The following LEKR1 variants were observed in gnomAD, a reference collection of about 807,000 sequenced individuals.
LEKR1 encodes leucine, glutamate and lysine rich 1.
LEKR1 carries 59 observed loss-of-function variants against 72.4 expected under a neutral mutation model. The observed-to-expected ratio is 0.82, with a 90% CI of 0.66 to 1.01. The LOEUF (loss-of-function observed/expected upper bound fraction) is 1.01, where lower values mean the gene tolerates loss of function less well. Ranked by LOEUF, LEKR1 falls within the 50% of genes least tolerant of loss-of-function variation. The pLI, the probability that LEKR1 is intolerant of heterozygous loss-of-function variation, is 0.00. For missense variants in LEKR1, 728 were observed against 759.2 expected (o/e 0.96, Z 0.48); for synonymous variants, 257 against 263.2 (o/e 0.98, Z 0.23).
chr3:156,940,172 A>G (rs948313671), intron 5 of LEKR1, among the ~76,000 whole-genome samples: 4 of 152,146 alleles, frequency 2.6e-5, no homozygotes, highest in Admixed American at 2.6e-4. Context: ...TGTTAATCCT[A>G]AGACATCATG....
At chr3:156,846,138 A>C (rs1008681830) in intron 2 of LEKR1, among the ~76,000 whole-genome samples, 1 of 152,140 alleles carries the variant, frequency 6.6e-6, no homozygotes, top group Non-Finnish European at 1.5e-5. Flanking sequence ...CACTGGGTAT[A>C]TATATAAATG....
chr3:157,034,714 G>A (rs765693273), intron 12 of LEKR1, among the ~76,000 whole-genome samples: 7 of 152,292 alleles, frequency 4.6e-5, no homozygotes, highest in South Asian at 4.1e-4. Context: ...GTTCTACTGC[G>A]GGTAAAATGC....
chr3:156,827,537 T>C (rs1711785575), intron 1 of LEKR1, among the ~76,000 whole-genome samples: 1 of 152,246 alleles, frequency 6.6e-6, no homozygotes, highest in South Asian at 2.1e-4. Context: ...GAATGTGTAA[T>C]GGATTGTGTC....
chr3:156,956,680 T>C (rs919967594), intron 6 of LEKR1, among the ~76,000 whole-genome samples: 1 of 152,016 alleles, frequency 6.6e-6, no homozygotes, highest in African/African-American at 2.4e-5. Context: ...AGAGTAACAC[T>C]GACAGAATTT....
chr3:156,976,452 T>C (rs1421125413), intron 6 of LEKR1, among the ~76,000 whole-genome samples: 1 of 152,132 alleles, frequency 6.6e-6, no homozygotes, highest in Non-Finnish European at 1.5e-5. Flanking sequence ...TTCTCTCTGA[T>C]GAAATCTTCT....
chr3:156,977,439 C>G (rs1051710328), intron 6 of LEKR1: 3 of 503,480 alleles, frequency 6.0e-6, no homozygotes, highest in Non-Finnish European at 1.2e-5. Context: ...ATGTCACCCC[C>G]CCTTAATGAA....
Position 156,927,448 on chromosome 3 carries a change from A to G in LEKR1, c.403A>G (p.Lys135Glu). 1 of 1,124,084 alleles carries G rather than the reference A, an allele frequency of 8.9e-7. No homozygotes were observed. The highest frequency in any genetic ancestry group is 1.1e-6 in the Non-Finnish European group (1 of 896,610). The allele number at this position is 1,124,084 out of a possible 1,614,324, so 69.6% of individuals were successfully genotyped here. The change falls in exon 5 of 13, where the codon AAA (lysine) becomes GAA (glutamate). Residue 135 changes from lysine to glutamate, a missense_variant. Transcript: ENST00000356539. ...YIFSQRLSEY[K>E]YFWNKTLSLL... ...TTGCAGTCAAAGATTGTCAGAGTACAAATATTTCTGGAATAAGACTCTTTC... is the reference window on the plus strand; with the variant it reads ...TTGCAGTCAAAGATTGTCAGAGTACGAATATTTCTGGAATAAGACTCTTTC...
At chr3:156,918,306 C>A (rs1723847667) in intron 3 of LEKR1, among the ~76,000 whole-genome samples, 1 of 152,086 alleles carries the variant, frequency 6.6e-6, no homozygotes, top group Admixed American at 6.6e-5. Context: ...TATCTGGGGG[C>A]TAATCTTTAA....
intron 9 of LEKR1, among the ~76,000 whole-genome samples, chr3:157,006,465 A>G (rs975351561): frequency 1.3e-5 from 2 of 152,244 alleles, no homozygotes; most frequent in African/African-American, 4.8e-5. Flanking sequence ...AAAGTTAAAT[A>G]TATACCTACC....
At chr3:156,984,069 A>C (rs1246428853) in intron 7 of LEKR1, among the ~76,000 whole-genome samples, 1 of 152,222 alleles carries the variant, frequency 6.6e-6, no homozygotes, top group African/African-American at 2.4e-5. Flanking sequence ...ATAAAAGAAC[A>C]GACGGTTATG....
intron 3 of LEKR1, among the ~76,000 whole-genome samples, chr3:156,884,807 A>G (rs1305742773): frequency 1.3e-5 from 2 of 152,204 alleles, no homozygotes; most frequent in East Asian, 1.9e-4. Flanking sequence ...TGTGCTTCTT[A>G]TATTTGGATG....
At chr3:156,910,203 C>T (rs1194329199) in intron 3 of LEKR1, among the ~76,000 whole-genome samples, 7 of 152,108 alleles carry the variant, frequency 4.6e-5, no homozygotes, top group African/African-American at 1.4e-4. Flanking sequence ...GTGTATTGCG[C>T]GATGCTAGGC....
At chr3:156,901,173 CA>C (rs2108563489) in intron 3 of LEKR1, among the ~76,000 whole-genome samples, 2 of 152,160 alleles carry the variant, frequency 1.3e-5, no homozygotes, top group East Asian at 1.9e-4. Context: ...GTCTTTCTAA[CA>C]AATTTTCTTT....
chr3:156,849,488 C>G (rs997894777), intron 2 of LEKR1, among the ~76,000 whole-genome samples: 18 of 151,810 alleles, frequency 1.2e-4, no homozygotes, highest in Admixed American at 8.5e-4. Flanking sequence ...GGAGGCATCA[C>G]GCTACCTGAC....
chr3:156,941,693 C>T (rs747749515), intron 5 of LEKR1, among the ~76,000 whole-genome samples: 12 of 152,056 alleles, frequency 7.9e-5, no homozygotes, highest in East Asian at 1.9e-4. Flanking sequence ...ATCACATGCT[C>T]ATCAATTCAA....
At chr3:157,028,536 C>A in intron 12 of LEKR1, 134 bp downstream of exon 12, 1 of 727,950 alleles carries the variant, frequency 1.4e-6, no homozygotes, top group Non-Finnish European at 2.2e-6. Flanking sequence ...AAATCACATC[C>A]TGGTGCTCTG....
At chr3:157,008,938 C>G (rs1732676071) in intron 9 of LEKR1, among the ~76,000 whole-genome samples, 1 of 152,096 alleles carries the variant, frequency 6.6e-6, no homozygotes, top group Non-Finnish European at 1.5e-5. Context: ...TTATTCCATT[C>G]ATTTTGATAG....
At chr3:156,847,579 A>G (rs919552782) in intron 2 of LEKR1, among the ~76,000 whole-genome samples, 1 of 152,220 alleles carries the variant, frequency 6.6e-6, no homozygotes, top group Non-Finnish European at 1.5e-5. Flanking sequence ...AGTTTCACAA[A>G]AATGCCCTAA....
intron 12 of LEKR1, among the ~76,000 whole-genome samples, chr3:157,040,259 T>TGAA (rs1735253664): frequency 1.3e-5 from 2 of 152,224 alleles, no homozygotes; most frequent in Admixed American, 1.3e-4. Flanking sequence ...AAGTAAATGT[T>TGAA]GAATACTTTG....
Sources: allele counts gnomAD v4.1 joint callset (sites outside exome capture counted in the v4.1 genomes callset), GRCh38; gene constraint gnomAD v4.1.1; transcripts MANE v1.5; gene names NCBI Gene and HGNC (gene_info 2026-07-23, HGNC 2026-07-21).